Variants in DCUN1D1 observed in about 807,000 individuals in gnomAD.
The protein encoded by DCUN1D1 is defective in cullin neddylation 1 domain containing 1, also known as DCN1-like protein 1.
Under a neutral mutation model 39.0 loss-of-function variants are expected in DCUN1D1, and 3 were observed. The observed-to-expected ratio is 0.08, with a 90% CI of 0.04 to 0.20. DCUN1D1 has a LOEUF of 0.20. Ranked by LOEUF, DCUN1D1 falls within the 10% of genes least tolerant of loss-of-function variation. The pLI is 1.00. For missense variants in DCUN1D1, 158 were observed against 302.4 expected (o/e 0.52, Z 3.54); for synonymous variants, 82 against 96.3 (o/e 0.85, Z 0.87).
chr3:182,962,106 T>C (rs1577181843), intron 3 of DCUN1D1, among the ~76,000 whole-genome samples: 1 of 152,338 alleles, frequency 6.6e-6, no homozygotes, highest in South Asian at 2.1e-4. Flanking sequence ...TAAATTAAAA[T>C]TTTGATTTGA....
At chr3:182,980,183 C>A (rs139796208) in intron 1 of DCUN1D1, 9,323 of 530,826 alleles carry the variant, frequency 0.018, 779 homozygotes, top group African/African-American at 0.17. Context: ...CTCCCCCACC[C>A]GCGCCGGGCC....
intron 4 of DCUN1D1, among the ~76,000 whole-genome samples, chr3:182,958,788 C>G (rs1428766984): frequency 2.6e-5 from 4 of 152,108 alleles, no homozygotes; most frequent in Non-Finnish European, 4.4e-5. Flanking sequence ...TTCCAATTTA[C>G]CATATTAATA....
intron 1 of DCUN1D1, among the ~76,000 whole-genome samples, chr3:182,971,888 T>G (rs552297869): frequency 2.6e-5 from 4 of 152,286 alleles, no homozygotes; most frequent in South Asian, 4.1e-4. Flanking sequence ...GTGCAACCAC[T>G]GACTGTTGAA....
upstream of DCUN1D1, among the ~76,000 whole-genome samples, chr3:182,982,614 ATTTC>A (rs1391077409): frequency 6.6e-6 from 1 of 151,762 alleles, no homozygotes; most frequent in Non-Finnish European, 1.5e-5. Flanking sequence ...CCTGCCTTCT[ATTTC>A]TTAGCCAATT....
At chr3:182,946,844 A>G (rs1191643757) in intron 6 of DCUN1D1, among the ~76,000 whole-genome samples, 2 of 152,214 alleles carry the variant, frequency 1.3e-5, no homozygotes, top group Non-Finnish European at 2.9e-5. Context: ...AGCTGGTCAC[A>G]GTGGCTCATG....
At chr3:182,950,579 C>A (rs933274938) in intron 4 of DCUN1D1, among the ~76,000 whole-genome samples, 1 of 152,038 alleles carries the variant, frequency 6.6e-6, no homozygotes, top group Non-Finnish European at 1.5e-5. Context: ...CTCTTGATCA[C>A]CTTTACTGGC....
chr3:182,967,439 T>TA (rs1202530878), intron 1 of DCUN1D1, among the ~76,000 whole-genome samples: 6 of 152,156 alleles, frequency 3.9e-5, no homozygotes, highest in Non-Finnish European at 8.8e-5. Context: ...CCGATCACAG[T>TA]AAAAACAAGA....
rs749213018 is a variant in DCUN1D1 at position 182,980,526 on chromosome 3, C to T, written c.-37G>A. The T allele has an allele frequency of 8.1e-6, 10 of 1,234,034 alleles. No individual in the cohort carries two copies. Among genetic ancestry groups the T allele is most frequent in the Non-Finnish European group, 1.0e-5 (10 of 970,102 alleles). The allele number at this position is 1,234,034 out of a possible 1,614,324, so 76.4% of individuals were successfully genotyped here. A position where few individuals can be genotyped will look rare whatever the true frequency, so the allele number is the denominator to read the frequency against. On this transcript the variant is annotated 5_prime_UTR_variant, in exon 1 of 7. Transcript: ENST00000292782. ...CCAGGCCTCTCCCCTCCTCCTCCGG[C>T]TCCGCAGCGAATGGACGGCGGCGGC...
intron 4 of DCUN1D1, among the ~76,000 whole-genome samples, chr3:182,954,415 A>T (rs1227350050): frequency 6.6e-6 from 1 of 152,230 alleles, no homozygotes; most frequent in Non-Finnish European, 1.5e-5. Context: ...TAAAAGAATT[A>T]AGACTATAAT....
At chr3:182,961,564 A>C (rs527257512) in intron 3 of DCUN1D1, among the ~76,000 whole-genome samples, 1 of 152,300 alleles carries the variant, frequency 6.6e-6, no homozygotes, top group East Asian at 1.9e-4. Context: ...TAAATGTTCT[A>C]AATAATTACT....
At chr3:182,985,534 C>G (rs1364275031), upstream of DCUN1D1, 1 of 152,390 alleles carries the variant, frequency 6.6e-6, no homozygotes, top group Non-Finnish European at 1.5e-5. Flanking sequence ...GAGGCTGAGG[C>G]AGGAGAATCG....
chr3:182,950,723 G>A (rs1036836326), intron 4 of DCUN1D1: 1 of 151,766 alleles, frequency 6.6e-6, no homozygotes, highest in African/African-American at 2.4e-5. Flanking sequence ...ACATAATACT[G>A]GCTGGGCGCA....
intron 4 of DCUN1D1, among the ~76,000 whole-genome samples, chr3:182,957,051 T>C (rs1013712468): frequency 1.3e-5 from 2 of 152,352 alleles, no homozygotes; most frequent in South Asian, 2.1e-4. Flanking sequence ...AGAGTGGATC[T>C]TTAATTTTAG....
Position 182,938,478 on chromosome 3 carries a change from GA to G in DCUN1D1, c.*6615del, listed in dbSNP as rs1725990494. 1 of 151,890 alleles carries G rather than the reference GA, an allele frequency of 6.6e-6. No individual in the cohort carries two copies. The highest frequency in any genetic ancestry group is 2.1e-4 in the South Asian group (1 of 4,824). 9.4% of individuals were successfully genotyped at this position (151,890 alleles called of 1,614,324 possible). On this transcript the variant is annotated 3_prime_UTR_variant, in exon 7 of 7. Coordinates refer to ENST00000292782, the MANE Select transcript of DCUN1D1 (RefSeq NM_020640.4). ...TTTATTTAACAGTCCTTATCTTTTA[GA>G]CATACATATTGAAATATTTACAAAT...
chr3:182,964,576 AAAAC>A (rs1013344545), intron 2 of DCUN1D1, among the ~76,000 whole-genome samples: 10 of 152,082 alleles, frequency 6.6e-5, no homozygotes, highest in African/African-American at 1.9e-4. Context: ...TTAAATAACA[AAAAC>A]AAAGAGAAAG....
chr3:182,945,241 G>GAATGTACA, intron 6 of DCUN1D1, 68 bp from the exon 7 acceptor site: 1 of 1,222,596 alleles, frequency 8.2e-7, no homozygotes, highest in South Asian at 1.4e-5. Context: ...TAACATTTTA[G>GAATGTACA]TAGAATCCTT....
chr3:182,948,217 T>A (rs1230924984), intron 4 of DCUN1D1, among the ~76,000 whole-genome samples: 5 of 152,348 alleles, frequency 3.3e-5, no homozygotes, highest in South Asian at 2.1e-4. Flanking sequence ...TAAGTAACCT[T>A]ATGCTCTAAA....
At chr3:182,967,491 T>G (rs1024655099) in intron 1 of DCUN1D1, among the ~76,000 whole-genome samples, 1 of 152,224 alleles carries the variant, frequency 6.6e-6, no homozygotes. Flanking sequence ...ATTTCCCTTT[T>G]TCTTGCAATA....
At chr3:182,962,842 G>A (rs1161244034) in intron 3 of DCUN1D1, among the ~76,000 whole-genome samples, 1 of 152,106 alleles carries the variant, frequency 6.6e-6, no homozygotes, top group South Asian at 2.1e-4. Context: ...GTGCAATGGC[G>A]TGATCTCGGC....
Sources: gnomAD v4.1 joint callset for allele counts (sites outside exome capture counted in the v4.1 genomes callset) on GRCh38, gnomAD v4.1.1 for gene constraint, MANE v1.5 for transcripts, NCBI Gene and HGNC (gene_info 2026-07-23, HGNC 2026-07-21) for gene names.